The following GIPC1 variants were observed in gnomAD, a reference collection of about 807,000 sequenced individuals.
GIPC1 encodes the protein GIPC PDZ domain containing family member 1.
GIPC1 carries 15 observed loss-of-function variants against 28.5 expected under a neutral mutation model. That is an observed-to-expected ratio of 0.53 (90% CI 0.35 to 0.81). The LOEUF (loss-of-function observed/expected upper bound fraction) is 0.81. Ranked by LOEUF, GIPC1 falls within the 30% of genes least tolerant of loss-of-function variation. The pLI is 0.01. For missense variants in GIPC1, 439 were observed against 481.9 expected (o/e 0.91, Z 0.83); for synonymous variants, 224 against 206.1 (o/e 1.09, Z -0.74).
chr19:14,485,702 T>TAGAGAGAGAGAGAG (rs747570310), intron 3 of GIPC1, among the ~76,000 whole-genome samples: 2 of 58,794 alleles, frequency 3.4e-5, no homozygotes, highest in African/African-American at 5.7e-5. Flanking sequence ...TATATATATA[T>TAGAGAGAGAGAGAG]AGAGAGAGAG....
At chr19:14,490,575 G>T (rs997893269) in intron 3 of GIPC1, among the ~76,000 whole-genome samples, 1 of 151,864 alleles carries the variant, frequency 6.6e-6, no homozygotes, top group Non-Finnish European at 1.5e-5. Flanking sequence ...TACTAGGGAG[G>T]CTGAGGCAGG....
At chr19:14,491,338 A>C (rs558512489) in intron 3 of GIPC1, among the ~76,000 whole-genome samples, 3 of 151,482 alleles carry the variant, frequency 2.0e-5, no homozygotes, top group African/African-American at 7.3e-5. Context: ...GGCTCACTGC[A>C]ACCTCCACCT....
chr19:14,485,469 G>T (rs1244273723), intron 3 of GIPC1, among the ~76,000 whole-genome samples: 1 of 151,488 alleles, frequency 6.6e-6, no homozygotes, highest in African/African-American at 2.4e-5. Flanking sequence ...TGGCCAACAT[G>T]GTGAAACCAC....
chr19:14,489,116 T>A (rs1425604323), intron 3 of GIPC1, among the ~76,000 whole-genome samples: 2 of 151,846 alleles, frequency 1.3e-5, no homozygotes, highest in Non-Finnish European at 1.5e-5. Flanking sequence ...TAGAGACGGG[T>A]CTCACTACGT....
chr19:14,495,002 C>A (rs1480963107), intron 1 of GIPC1, among the ~76,000 whole-genome samples: 2 of 152,120 alleles, frequency 1.3e-5, no homozygotes, highest in Non-Finnish European at 2.9e-5. Context: ...CGCCCAGGCT[C>A]CCCGTTCCAG....
At chr19:14,487,685 C>CTTTTTTTTTTTTTTTTTT (rs34048955) in intron 3 of GIPC1, among the ~76,000 whole-genome samples, 5 of 130,454 alleles carry the variant, frequency 3.8e-5, no homozygotes, top group African/African-American at 9.2e-5. Context: ...CTTTATTTTC[C>CTTTTTTTTTTTTTTTTTT]TTTTTTTTTT....
intron 3 of GIPC1, among the ~76,000 whole-genome samples, chr19:14,490,415 C>G (rs1383079477): frequency 1.3e-5 from 2 of 151,824 alleles, no homozygotes; most frequent in Non-Finnish European, 2.9e-5. Flanking sequence ...CGGTGGTTCA[C>G]GCCTGTAATC....
At chr19:14,480,015 G>T (rs1213343029) in intron 6 of GIPC1, 2 of 563,348 alleles carry the variant, frequency 3.6e-6, no homozygotes, top group Non-Finnish European at 3.2e-6. Context: ...AGTCAAGCCT[G>T]GCCTGTTGGG....
At chr19:14,486,814 C>T (rs975494200) in intron 3 of GIPC1, among the ~76,000 whole-genome samples, 3 of 149,088 alleles carry the variant, frequency 2.0e-5, no homozygotes, top group African/African-American at 4.9e-5. Context: ...TGGGTTCAAG[C>T]GATTCACCTG....
rs773237853 is a variant in GIPC1 at position 14,482,828 on chromosome 19, G to C, written c.149C>G (p.Pro50Arg). The C allele has an allele frequency of 1.4e-5, 22 of 1,573,402 alleles. No homozygotes were observed. Among genetic ancestry groups the C allele is most frequent in the Admixed American group, 1.8e-5 (1 of 54,936 alleles). Residue 50 changes from proline to arginine, a missense_variant, in exon 4 of 9, where the codon CCT becomes CGT. Pro to Arg is a moderately radical substitution (Grantham distance 103). Transcript: ENST00000393033. ...SGGPQMGLPP[P>R]PPALRPRLVF... The stretch of plus-strand genomic sequence containing the variant: ...GAGGCGGGGCCGCAGGGCTGGGGGA[G>C]GGGGGGGCAAGCCCATTTGGGGGCC...
chr19:14,487,533 C>T (rs1389786105), intron 3 of GIPC1, among the ~76,000 whole-genome samples: 4 of 151,970 alleles, frequency 2.6e-5, no homozygotes, highest in Non-Finnish European at 4.4e-5. Context: ...TGCACCCGGC[C>T]GAAGAGATGT....
chr19:14,478,202 CA>C lies in GIPC1; in HGVS notation c.*213del, dbSNP rs1290221717. ...GCTGAGGTAGGTGGGGAACAGGGCA[CA>C]GGGGGGCCGGGGACCCCGGCCAGAC... On this transcript the variant is annotated 3_prime_UTR_variant, in exon 9 of 9. Transcript: ENST00000393033. This position sits in a 1 kb window ranked among gnomAD's most constrained non-coding sequence, Gnocchi z 5.2. 5.4e-6 allele frequency: 3 copies of C among 556,782 alleles called. No homozygotes were observed. The highest frequency in any genetic ancestry group is 6.3e-6 in the Non-Finnish European group (2 of 316,148). 34.5% of individuals were successfully genotyped at this position (556,782 alleles called of 1,614,324 possible).
rs71166735 is a variant in GIPC1 at position 14,496,041 on chromosome 19, TCCGCCGCCGCCG to T, written c.-191_-180del. The T allele has an allele frequency of 2.8e-3, 635 of 226,378 alleles. 7 individuals are homozygous for T. The highest frequency in any genetic ancestry group is 0.011 in the African/African-American group (424 of 40,250). 14.0% of individuals were successfully genotyped at this position (226,378 alleles called of 1,614,324 possible). ...CTTCTCGCAGAGGCCACTCACCTGCTCCGCCGCCGCCGCCGCCGCCGCCGCCGCCGCCGCTGC... is the reference window on the plus strand; with the variant it reads ...CTTCTCGCAGAGGCCACTCACCTGCTCCGCCGCCGCCGCCGCCGCCGCTGC... On this transcript the variant is annotated 5_prime_UTR_variant, in exon 1 of 9. Transcript: ENST00000393033.
intron 6 of GIPC1, chr19:14,479,799 G>A: frequency 4.9e-6 from 2 of 410,046 alleles, no homozygotes; most frequent in Non-Finnish European, 8.7e-6. Context: ...AGGGGCTGGG[G>A]GACAGGAAGC....
At position 14,482,697 on chromosome 19, in the gene GIPC1, T is replaced by C; in HGVS notation, c.280A>G (p.Thr94Ala). ...GKIAEAFRLPTAEVMFCTLNT... is the reference protein window; with the variant it reads ...GKIAEAFRLPAAEVMFCTLNT... ...GGCTCCCCAGTGGATACCTCGGCAG[T>C]TGGCAGGCGGAAGGCCTCGGCGATC... The change falls in exon 4 of 9, where the codon ACT (threonine) becomes GCT (alanine). Residue 94 changes from threonine (T) to alanine (A), a missense_variant. Physicochemically the swap from Thr to Ala is moderately conservative, Grantham distance 58. Transcript: ENST00000393033. 1.2e-6 allele frequency: 2 copies of C among 1,611,360 alleles called. No individual in the cohort carries two copies. Among genetic ancestry groups the C allele is most frequent in the East Asian group, 2.2e-5 (1 of 44,890 alleles).
chr19:14,485,607 G>A (rs192446354), intron 3 of GIPC1, among the ~76,000 whole-genome samples: 3 of 150,432 alleles, frequency 2.0e-5, no homozygotes, highest in South Asian at 2.1e-4. Flanking sequence ...AGCAGAGATC[G>A]TGCCAATGCA....
intron 3 of GIPC1, chr19:14,489,295 A>G: frequency 1.8e-5 from 13 of 732,376 alleles, no homozygotes; most frequent in South Asian, 1.6e-4. Context: ...GAGGTCGATG[A>G]CGCCAGGCAC....
chr19:14,493,690 AT>A (rs2072018481), intron 1 of GIPC1, among the ~76,000 whole-genome samples: 1 of 151,362 alleles, frequency 6.6e-6, no homozygotes, highest in Admixed American at 6.6e-5. Context: ...ACGGAGTTTC[AT>A]TCTTGTTGCC....
Position 14,482,734 on chromosome 19 carries a change from C to T in GIPC1, c.243G>A (p.Glu81=). Reference sequence around the variant, plus strand: ...AGGCCTCGGCGATCTTGCCATACAGCTCCTTGACGTTGGTGAAGCCCTCGA... The same window carrying T: ...AGGCCTCGGCGATCTTGCCATACAGTTCCTTGACGTTGGTGAAGCCCTCGA... The part of the protein sequence containing the change: ...GRIEGFTNVK[E]LYGKIAEAFR... Residue 81 remains glutamate, a synonymous_variant, in exon 4 of 9, where the codon GAG becomes GAA. Transcript: ENST00000393033. 3 of 1,611,664 alleles carry T rather than the reference C, an allele frequency of 1.9e-6. No homozygotes were observed. The highest frequency in any genetic ancestry group is 1.1e-5 in the South Asian group (1 of 90,958).
Sources: gnomAD v4.1 joint callset for allele counts (sites outside exome capture counted in the v4.1 genomes callset) on GRCh38, gnomAD v4.1.1 for gene constraint, Gnocchi (gnomAD v3.1) non-coding constraint, MANE v1.5 for transcripts, NCBI Gene and HGNC (gene_info 2026-07-23, HGNC 2026-07-21) for gene names.